C19orf81: variants seen among roughly 807,000 people sequenced by gnomAD.
C19orf81 encodes the protein putative uncharacterized protein C19orf81.
C19orf81 carries 19 observed loss-of-function variants against 22.1 expected under a neutral mutation model. The ratio of observed to expected loss-of-function variants is 0.86; its 90% CI spans 0.60 to 1.26. The LOEUF is 1.26. C19orf81 is among the 50% of genes most tolerant of loss of function. The pLI is 0.00. For synonymous variants in C19orf81, 108 were observed against 113.1 expected, an observed-to-expected ratio of 0.95 and a Z score of 0.29; for missense variants, 287 against 280.7, an observed-to-expected ratio of 1.02 and a Z score of -0.16.
intron 3 of C19orf81, among the ~76,000 whole-genome samples, chr19:50,657,047 G>A (rs1350307721): frequency 6.6e-6 from 1 of 151,772 alleles, no homozygotes; most frequent in African/African-American, 2.4e-5. Context: ...GAAAGAAAGA[G>A]GTCATGTTTT....
intron 1 of C19orf81, among the ~76,000 whole-genome samples, chr19:50,650,971 T>G (rs888772233): frequency 1.3e-5 from 2 of 152,210 alleles, no homozygotes; most frequent in Admixed American, 6.5e-5. Context: ...TTGGCTAGTT[T>G]TGTTGATCGA....
intron 1 of C19orf81, among the ~76,000 whole-genome samples, chr19:50,651,540 C>G (rs1299086209): frequency 6.6e-6 from 1 of 152,102 alleles, no homozygotes; most frequent in Non-Finnish European, 1.5e-5. Context: ...CCAGCATCCT[C>G]CAAGGCACAC....
rs116672247 is a variant in C19orf81, at chr19:50,651,457, C to G, written c.67+1946C>G. Among the ~76,000 whole-genome samples the G allele has an allele frequency of 2.8e-3, 429 of 152,312 alleles. 4 individuals carry two copies. The highest frequency in any genetic ancestry group is 9.8e-3 in the African/African-American group (406 of 41,552). ...CTTTCCCTCCACCTTGTAACACTTT[C>G]ATTGAAACACACATTGCCCTTTATC... On this transcript the variant is annotated intron_variant, in intron 1 of 4. Coordinates refer to ENST00000425202, the MANE Select transcript of C19orf81 (RefSeq NM_001195076.2).
At chr19:50,658,830 G>C (rs1483885375) in intron 4 of C19orf81, 117 bp from the exon 5 acceptor site, 1 of 919,748 alleles carries the variant, frequency 1.1e-6, no homozygotes, top group East Asian at 3.2e-5. Context: ...ACGGAGCGAT[G>C]GTCCGCTGGA....
chr19:50,652,885 GATGCTTACATTTTT>G (rs1163287540), intron 1 of C19orf81, among the ~76,000 whole-genome samples: 2 of 152,158 alleles, frequency 1.3e-5, no homozygotes, highest in Middle Eastern at 3.2e-3. Flanking sequence ...ACTGGATCCA[GATGCTTACATTTTT>G]ATCCTTATTC....
In C19orf81 at chr19:50,659,030, T is replaced by TC. The variant is rs1307917568; in HGVS notation, c.486dup (p.Val163ArgfsTer88). 6.5e-7 allele frequency: 1 copy of TC among 1,529,122 alleles called. No individual in the cohort carries two copies. The highest frequency in any genetic ancestry group is 8.7e-7 in the Non-Finnish European group (1 of 1,143,374). 94.7% of individuals were successfully genotyped at this position (1,529,122 alleles called of 1,614,324 possible). On this transcript the variant is annotated frameshift_variant, in exon 5 of 5. Transcript: ENST00000425202. LOFTEE classifies it high-confidence loss of function. Reference sequence around the variant, plus strand: ...AGTCCCCGCGGGCTTGCGCACCAGATCGTGCGCCACGACGACCTCCTGCTG... The same window carrying TC: ...AGTCCCCGCGGGCTTGCGCACCAGATCCGTGCGCCACGACGACCTCCTGCTG...
rs1985072658 is a variant in C19orf81 at position 50,658,986 on chromosome 19, C to T, written c.441C>T (p.Arg147=). 2.0e-6 allele frequency: 3 copies of T among 1,521,438 alleles called. No homozygotes were observed. Among genetic ancestry groups the T allele is most frequent in the Non-Finnish European group, 2.6e-6 (3 of 1,138,518 alleles). 94.2% of individuals were successfully genotyped at this position (1,521,438 alleles called of 1,614,324 possible). A position where few individuals can be genotyped will look rare whatever the true frequency, so the allele number is the denominator to read the frequency against. ...IAVTDFQTRS[R]LLRSGLSPRG... The stretch of plus-strand genomic sequence containing the variant: ...TCACGGACTTCCAGACGCGCTCGCG[C>T]TTGCTGCGCTCCGGGCTCAGTCCCC... Residue 147 remains arginine, a synonymous_variant, in exon 5 of 5, where the codon CGC becomes CGT. Coordinates refer to ENST00000425202, the MANE Select transcript of C19orf81 (RefSeq NM_001195076.2).
chr19:50,650,908 A>G (rs1599827141), intron 1 of C19orf81, among the ~76,000 whole-genome samples: 1 of 152,252 alleles, frequency 6.6e-6, no homozygotes, highest in East Asian at 1.9e-4. Flanking sequence ...CACCCACGTG[A>G]CATGTAATTT....
intron 1 of C19orf81, among the ~76,000 whole-genome samples, chr19:50,650,637 C>T (rs1984857341): frequency 6.6e-6 from 1 of 152,212 alleles, no homozygotes; most frequent in Non-Finnish European, 1.5e-5. Flanking sequence ...TGCCACTGCA[C>T]TCCAGCCTGG....
chr19:50,650,149 C>G lies in C19orf81; in HGVS notation c.67+638C>G, dbSNP rs149207613. Among the ~76,000 whole-genome samples, 610 of 152,280 alleles carry G rather than the reference C, an allele frequency of 4.0e-3. 2 individuals carry two copies. Among genetic ancestry groups the G allele is most frequent in the Middle Eastern group, 0.037 (11 of 294 alleles). ...CTTCCTGCAGTGATCCTGGCTGTCC[C>G]TTGCTCATAACACTTCCTAGCTTCC... On this transcript the variant is annotated intron_variant, in intron 1 of 4. Transcript: ENST00000425202.
At chr19:50,656,159 G>A (rs977462844) in intron 2 of C19orf81, 37 bp downstream of exon 2, 50 of 1,535,952 alleles carry the variant, frequency 3.3e-5, no homozygotes, top group South Asian at 5.9e-5. Context: ...TCTATCTTCC[G>A]CCTCCCCAAA....
intron 1 of C19orf81, among the ~76,000 whole-genome samples, chr19:50,654,632 TTCTCTCTTTCTG>T: frequency 7.5e-6 from 1 of 134,142 alleles, no homozygotes; most frequent in Admixed American, 7.3e-5. Context: ...CCTTCCTTCC[TTCTCTCTTTCTG>T]TCTCTCTTTC....
At chr19:50,652,150 A>G (rs373459812) in intron 1 of C19orf81, among the ~76,000 whole-genome samples, 13 of 152,286 alleles carry the variant, frequency 8.5e-5, no homozygotes, top group African/African-American at 3.1e-4. Context: ...TGCCCGGCCT[A>G]TAATTATTTT....
At position 50,649,514 on chromosome 19, in the gene C19orf81, A is replaced by G. The variant is rs1466186263; in HGVS notation, c.67+3A>G. The stretch of plus-strand genomic sequence containing the variant: ...CCCCACCATGCACAGGAAGGCAGGT[A>G]CTGAGCTGTGTCTTTGGGGGAAGGG... On this transcript the variant is annotated splice_donor_region_variant and intron_variant, in intron 1 of 4. Coordinates refer to ENST00000425202, the MANE Select transcript of C19orf81 (RefSeq NM_001195076.2). 2.6e-6 allele frequency: 4 copies of G among 1,536,116 alleles called. No individual in the cohort carries two copies. In the Admixed American group the frequency reaches 5.9e-5, roughly 23 times the overall value.
intron 1 of C19orf81, chr19:50,649,842 C>G (rs1984840703): frequency 2.0e-6 from 1 of 491,188 alleles, no homozygotes; most frequent in African/African-American, 1.9e-5. Flanking sequence ...AGCATCTTCC[C>G]CCAAAGCTGC....
At chr19:50,651,036 AT>A (rs1331222434) in intron 1 of C19orf81, among the ~76,000 whole-genome samples, 1 of 152,116 alleles carries the variant, frequency 6.6e-6, no homozygotes, top group Non-Finnish European at 1.5e-5. Context: ...AACCAATCAC[AT>A]TTTTTAGTTG....
At chr19:50,650,240 C>T (rs536553538) in intron 1 of C19orf81, among the ~76,000 whole-genome samples, 28 of 152,126 alleles carry the variant, frequency 1.8e-4, no homozygotes, top group Non-Finnish European at 3.8e-4. Context: ...GGTCTGACCC[C>T]TGCTGACAAC....
In C19orf81 at chr19:50,656,304, A is replaced by G; in HGVS notation, c.219A>G (p.Thr73=). The G allele has an allele frequency of 2.0e-6, 3 of 1,536,130 alleles. No homozygotes were observed. Among genetic ancestry groups the G allele is most frequent in the Non-Finnish European group, 2.6e-6 (3 of 1,146,912 alleles). ...RELPCIRKFP[T]PPASQPLCLC... ...TCCCGTGCATCCGGAAGTTCCCCAC[A>G]CCACCAGCTTCCCAGCCCCTCTGCC... Residue 73 remains threonine (T), a synonymous_variant, in exon 3 of 5, where the codon ACA becomes ACG. Transcript: ENST00000425202.
chr19:50,649,793 C>A (rs748756191), intron 1 of C19orf81: 1 of 556,556 alleles, frequency 1.8e-6, no homozygotes, highest in South Asian at 1.5e-5. Context: ...CCATTCTTCT[C>A]CTAGGTAACC....
Sources: allele counts gnomAD v4.1 joint callset (sites outside exome capture counted in the v4.1 genomes callset), GRCh38; gene constraint gnomAD v4.1.1; transcripts MANE v1.5; gene names NCBI Gene and HGNC (gene_info 2026-07-23, HGNC 2026-07-21).